KMT2E: variants seen among roughly 807,000 people sequenced by gnomAD.
KMT2E encodes lysine methyltransferase 2E (inactive).
A neutral mutation model predicts 184.6 loss-of-function variants in KMT2E; 30 were observed. The ratio of observed to expected loss-of-function variants is 0.16; its 90% CI spans 0.12 to 0.22. The LOEUF is 0.22. Among genes scored for constraint, KMT2E ranks in the 10% least tolerant of loss-of-function variants. The pLI is 1.00. For missense variants in KMT2E, 2,023 were observed against 2,237.4 expected, an observed-to-expected ratio of 0.90 and a Z score of 1.93; for synonymous variants, 815 against 776.5, an observed-to-expected ratio of 1.05 and a Z score of -0.82.
In KMT2E at chr7:105,041,072, C is replaced by T. The variant is rs200992807; in HGVS notation, c.71+49C>T. 150 of 1,001,824 alleles carry T rather than the reference C, an allele frequency of 1.5e-4. No homozygotes were observed. In the African/African-American group the frequency reaches 2.1e-3, roughly 14 times the overall value. 62.1% of individuals were successfully genotyped at this position (1,001,824 alleles called of 1,614,324 possible). The stretch of plus-strand genomic sequence containing the variant: ...AAGCAAAAAAAAAAAAAAAACCCTT[C>T]TGGAGCTAGAAAGTAGGAAGAAGTA... On this transcript the variant is annotated intron_variant, in intron 3 of 26. Transcript: ENST00000311117.
At chr7:105,041,756 A>G (rs535215835) in intron 3 of KMT2E, among the ~76,000 whole-genome samples, 2 of 152,208 alleles carry the variant, frequency 1.3e-5, no homozygotes, top group Non-Finnish European at 2.9e-5. Flanking sequence ...AATATTTTGT[A>G]TATAATGAAA....
intron 15 of KMT2E, among the ~76,000 whole-genome samples, chr7:105,096,963 G>A (rs1334927824): frequency 6.6e-6 from 1 of 152,176 alleles, no homozygotes. Flanking sequence ...CAGATTACCA[G>A]TGTACATGTG....
intron 17 of KMT2E, 91 bp downstream of exon 17, chr7:105,102,285 A>AT (rs1309193753): frequency 7.3e-6 from 8 of 1,094,772 alleles, no homozygotes; most frequent in Non-Finnish European, 1.0e-5. Context: ...TTAAGACCTC[A>AT]TAATAATAAG....
intron 6 of KMT2E, among the ~76,000 whole-genome samples, chr7:105,068,938 C>G (rs529296081): frequency 2.0e-5 from 3 of 152,250 alleles, no homozygotes; most frequent in Admixed American, 2.0e-4. Flanking sequence ...ATGTCAGTCT[C>G]TTGCAGTTAT....
chr7:105,076,104 G>A (rs902481938), intron 9 of KMT2E, 23 bp downstream of exon 9: 2 of 1,536,588 alleles, frequency 1.3e-6, no homozygotes, highest in South Asian at 1.1e-5. Context: ...ATTTTAAGGT[G>A]TTGTTATCAA....
At chr7:105,022,291 G>A (rs1794987376) in intron 1 of KMT2E, among the ~76,000 whole-genome samples, 2 of 151,594 alleles carry the variant, frequency 1.3e-5, no homozygotes, top group African/African-American at 4.9e-5. Context: ...TAGTTTTGTT[G>A]TCCCTTAAGT....
intron 1 of KMT2E, among the ~76,000 whole-genome samples, chr7:105,029,496 C>T (rs1795314721): frequency 6.6e-6 from 1 of 152,076 alleles, no homozygotes; most frequent in South Asian, 2.1e-4. Flanking sequence ...AGACAAATTA[C>T]TTAGAAGTTG....
In KMT2E at chr7:105,077,014, G is replaced by C. The variant is rs1346107350; in HGVS notation, c.820G>C (p.Glu274Gln). Residue 274 changes from glutamate (E) to glutamine (Q), a missense_variant, in exon 10 of 27, where the codon GAG becomes CAG. By Grantham distance (29) the Glu-to-Gln change is conservative (BLOSUM62 2). Around this residue, in one of 8 missense-constraint regions of KMT2E, gnomAD observed 191 missense variants for 209.0 expected, o/e 0.91. Transcript: ENST00000311117. ...ATCTGATGGTTCAAATTTTGGATGG[G>C]AGACAAAGATCAAAGCATGGATGGA... ...PSSDGSNFGW[E>Q]TKIKAWMDRY... 25 of 1,613,668 alleles carry C rather than the reference G, an allele frequency of 1.5e-5. No individual in the cohort carries two copies. The highest frequency in any genetic ancestry group is 2.0e-5 in the Non-Finnish European group (24 of 1,179,968).
intron 13 of KMT2E, among the ~76,000 whole-genome samples, chr7:105,084,035 G>T (rs965214132): frequency 3.9e-5 from 6 of 152,114 alleles, no homozygotes; most frequent in Admixed American, 1.3e-4. Context: ...CCACATAAAA[G>T]CTTCATTTGC....
At position 105,060,832 on chromosome 7, in the gene KMT2E, A is replaced by G. The variant is rs148132589; in HGVS notation, c.72-1332A>G. On this transcript the variant is annotated intron_variant, in intron 3 of 26. Coordinates refer to ENST00000311117, the MANE Select transcript of KMT2E (RefSeq NM_182931.3). ...TTGTGTTACCTACGATATTCAGCGC[A>G]TAACATGCTGTATAGATTTGTAGCC... is the stretch of plus-strand genomic sequence containing the variant. Among the ~76,000 whole-genome samples the G allele has an allele frequency of 7.3e-4, 111 of 152,350 alleles. 3 individuals carry two copies. The East Asian group carries it at 0.02, about 27-fold the overall frequency.
At chr7:105,067,756 A>C (rs1312699607) in intron 6 of KMT2E, among the ~76,000 whole-genome samples, 1 of 151,984 alleles carries the variant, frequency 6.6e-6, no homozygotes, top group African/African-American at 2.4e-5. Context: ...AGATCATGAG[A>C]GCCCAGGAGT....
chr7:105,091,473 T>A, intron 15 of KMT2E, 159 bp downstream of exon 15: 1 of 643,352 alleles, frequency 1.6e-6, no homozygotes, highest in Admixed American at 3.0e-5. Flanking sequence ...TTAAATAAAT[T>A]CCATTAATCT....
At chr7:105,019,881 C>T (rs537532377) in intron 1 of KMT2E, among the ~76,000 whole-genome samples, 104 of 151,938 alleles carry the variant, frequency 6.8e-4, no homozygotes, top group African/African-American at 2.5e-3. Context: ...CCGAGGCAGG[C>T]GGATCATTTG....
At chr7:105,081,290 A>T (rs1797755475) in intron 12 of KMT2E, among the ~76,000 whole-genome samples, 11 of 152,070 alleles carry the variant, frequency 7.2e-5, no homozygotes. Context: ...AGGCTGAGGC[A>T]GGAGAATGGC....
In KMT2E at chr7:105,111,905, A is replaced by C. The variant is rs903643215; in HGVS notation, c.4149A>C (p.Thr1383=). ...AACCAGATCCCCAATGGGACTCCAC[A>C]GTTAGTGCATCCGAAGCTGAAAATG... The part of the protein sequence containing the change: ...FTKPDPQWDS[T]VSASEAENGV... Residue 1383 remains threonine, a synonymous_variant, in exon 27 of 27, where the codon ACA becomes ACC. Coordinates refer to ENST00000311117, the MANE Select transcript of KMT2E (RefSeq NM_182931.3). The C allele has an allele frequency of 2.5e-6, 4 of 1,614,088 alleles. No individual in the cohort carries two copies. In the African/African-American group the frequency reaches 5.3e-5, roughly 22 times the overall value.
At chr7:105,093,320 A>G (rs1798283665) in intron 15 of KMT2E, among the ~76,000 whole-genome samples, 1 of 152,220 alleles carries the variant, frequency 6.6e-6, no homozygotes, top group Non-Finnish European at 1.5e-5. Flanking sequence ...CTTTAAATAT[A>G]TATTCTTCTG....
Position 105,113,218 on chromosome 7 carries a change from C to T in KMT2E, c.5462C>T (p.Pro1821Leu). 1 of 1,614,230 alleles carries T rather than the reference C, an allele frequency of 6.2e-7. No homozygotes were observed. Among genetic ancestry groups the T allele is most frequent in the Non-Finnish European group, 8.5e-7 (1 of 1,180,036 alleles). ...CCTCATCCTGGCTCTGTGGCCCTGCCACATGGGGTTCAAGGACCTCAGCAG... is the reference window on the plus strand; with the variant it reads ...CCTCATCCTGGCTCTGTGGCCCTGCTACATGGGGTTCAAGGACCTCAGCAG... ...FCPHPGSVAL[P>L]HGVQGPQQAS... The change falls in exon 27 of 27, where the codon CCA becomes CTA. Residue 1821 changes from proline (P) to leucine (L), a missense_variant. Transcript: ENST00000311117.
At chr7:105,110,231 C>T (rs779644370) in intron 23 of KMT2E, 49 bp from the exon 24 acceptor site, 13 of 1,406,940 alleles carry the variant, frequency 9.2e-6, no homozygotes, top group Non-Finnish European at 1.2e-5. Flanking sequence ...AACAATGTAA[C>T]TAGCAGTAGT....
intron 4 of KMT2E, among the ~76,000 whole-genome samples, chr7:105,062,684 A>C (rs1354778447): frequency 1.3e-5 from 2 of 151,872 alleles, no homozygotes; most frequent in Non-Finnish European, 2.9e-5. Context: ...TATGTGTCAG[A>C]CATATATTAT....
Sources: allele counts gnomAD v4.1 joint callset (sites outside exome capture counted in the v4.1 genomes callset), GRCh38; gene constraint gnomAD v4.1.1; regional missense constraint gnomAD v4.1.1; transcripts MANE v1.5; gene names NCBI Gene and HGNC (gene_info 2026-07-23, HGNC 2026-07-21).